CTNNA3: variants seen among roughly 807,000 people sequenced by gnomAD.
CTNNA3 encodes the protein catenin alpha-3.
A neutral mutation model predicts 95.7 loss-of-function variants in CTNNA3; 76 were observed. The observed-to-expected ratio is 0.79, with a 90% CI of 0.66 to 0.96. The LOEUF is 0.96. Ranked by LOEUF, CTNNA3 falls within the 40% of genes least tolerant of loss-of-function variation. The pLI is 0.00. For missense variants in CTNNA3, 1,191 were observed against 1,089.8 expected (o/e 1.09, Z -1.31); for synonymous variants, 431 against 374.4 (o/e 1.15, Z -1.74).
chr10:66,739,765 A>G (rs1849265232), intron 9 of CTNNA3, among the ~76,000 whole-genome samples: 1 of 152,192 alleles, frequency 6.6e-6, no homozygotes. Context: ...ATTTCCTAAT[A>G]CAAAAATTGA....
At chr10:66,118,750 T>A (rs1193477769) in intron 13 of CTNNA3, among the ~76,000 whole-genome samples, 2 of 152,192 alleles carry the variant, frequency 1.3e-5, no homozygotes. Flanking sequence ...AGAGCTGATC[T>A]ACTTTGGAAA....
chr10:66,249,294 A>G (rs143079372), intron 13 of CTNNA3, among the ~76,000 whole-genome samples: 166 of 152,316 alleles, frequency 1.1e-3, no homozygotes, highest in African/African-American at 3.8e-3. Context: ...AAGTTAAAAA[A>G]TCTTCTGCAC....
chr10:67,704,326 T>G (rs1054222324), intron 1 of CTNNA3, among the ~76,000 whole-genome samples: 3 of 152,116 alleles, frequency 2.0e-5, no homozygotes, highest in African/African-American at 7.2e-5. Flanking sequence ...CAAGTCAATC[T>G]TAAGCCAAAG....
intron 12 of CTNNA3, among the ~76,000 whole-genome samples, chr10:66,321,915 A>G (rs975315385): frequency 6.6e-6 from 1 of 152,174 alleles, no homozygotes; most frequent in Non-Finnish European, 1.5e-5. Flanking sequence ...GTTCAGGAGT[A>G]GACACATGAG....
At chr10:66,716,117 T>C (rs921421268) in intron 9 of CTNNA3, among the ~76,000 whole-genome samples, 5 of 152,126 alleles carry the variant, frequency 3.3e-5, no homozygotes, top group African/African-American at 1.2e-4. Context: ...CACTTCATAC[T>C]TATTTTCTCT....
chr10:66,670,311 A>C (rs1052434275), intron 9 of CTNNA3, among the ~76,000 whole-genome samples: 1 of 152,192 alleles, frequency 6.6e-6, no homozygotes, highest in Non-Finnish European at 1.5e-5. Context: ...GTTGCTGGCC[A>C]GCCTGGGCTC....
intron 3 of CTNNA3, among the ~76,000 whole-genome samples, chr10:67,574,388 TA>T (rs1379616212): frequency 6.6e-6 from 1 of 152,098 alleles, no homozygotes; most frequent in Admixed American, 6.5e-5. Flanking sequence ...TAATTTGAAT[TA>T]TTTTTTGTTT....
At chr10:66,065,330 C>G (rs2080292932) in intron 15 of CTNNA3, among the ~76,000 whole-genome samples, 1 of 150,202 alleles carries the variant, frequency 6.7e-6, no homozygotes, top group Non-Finnish European at 1.5e-5. Context: ...TTCATTCTGT[C>G]CCTCCCCATT....
intron 11 of CTNNA3, among the ~76,000 whole-genome samples, chr10:66,489,448 A>C (rs543898862): frequency 6.6e-6 from 1 of 152,302 alleles, no homozygotes; most frequent in East Asian, 1.9e-4. Flanking sequence ...GGAATGGCCA[A>C]CTGGAAGAAT....
chr10:66,449,277 T>G (rs1270878104), intron 11 of CTNNA3, among the ~76,000 whole-genome samples: 1 of 152,124 alleles, frequency 6.6e-6, no homozygotes, highest in Non-Finnish European at 1.5e-5. Context: ...GAAAACTGCA[T>G]TATCCATTTT....
intron 15 of CTNNA3, among the ~76,000 whole-genome samples, chr10:66,028,931 C>A (rs2079398021): frequency 6.6e-6 from 1 of 151,110 alleles, no homozygotes; most frequent in African/African-American, 2.4e-5. Context: ...GAAAGAACAA[C>A]AAAAAATGAA....
chr10:67,519,852 T>C (rs1839929518), intron 5 of CTNNA3, among the ~76,000 whole-genome samples: 1 of 152,184 alleles, frequency 6.6e-6, no homozygotes, highest in South Asian at 2.1e-4. Flanking sequence ...AAACACTTTC[T>C]GGCGTGTGCT....
chr10:66,121,556 GA>G (rs1274616948), intron 13 of CTNNA3, among the ~76,000 whole-genome samples: 6 of 152,018 alleles, frequency 3.9e-5, no homozygotes, highest in Non-Finnish European at 5.9e-5. Flanking sequence ...AATCATGTGG[GA>G]AAAAAGTTGT....
chr10:66,265,752 T>C (rs1030291612), intron 13 of CTNNA3, among the ~76,000 whole-genome samples: 2 of 152,038 alleles, frequency 1.3e-5, no homozygotes, highest in African/African-American at 4.8e-5. Context: ...AAGACTGCTT[T>C]GACTGAAAGT....
chr10:66,656,825 T>C (rs1846088811), intron 9 of CTNNA3, among the ~76,000 whole-genome samples: 2 of 151,920 alleles, frequency 1.3e-5, no homozygotes, highest in Admixed American at 1.3e-4. Context: ...TGCTTTTTGT[T>C]GTTGTTTTTT....
chr10:66,334,459 C>T (rs369009117), intron 12 of CTNNA3, among the ~76,000 whole-genome samples: 17 of 151,850 alleles, frequency 1.1e-4, no homozygotes, highest in African/African-American at 3.9e-4. Context: ...GTTTGCTTGT[C>T]TGTAAAGTAT....
At chr10:67,094,617 C>A (rs1237456365) in intron 7 of CTNNA3, among the ~76,000 whole-genome samples, 1 of 151,494 alleles carries the variant, frequency 6.6e-6, no homozygotes, top group Non-Finnish European at 1.5e-5. Flanking sequence ...ATCTGATTAG[C>A]CACAAAAGAA....
chr10:66,972,192 G>T (rs1243072272), intron 7 of CTNNA3, among the ~76,000 whole-genome samples: 1 of 152,088 alleles, frequency 6.6e-6, no homozygotes, highest in Non-Finnish European at 1.5e-5. Context: ...AGTTTCACTG[G>T]AATGAACAAA....
intron 7 of CTNNA3, among the ~76,000 whole-genome samples, chr10:66,956,882 G>A (rs972208457): frequency 5.9e-5 from 9 of 152,116 alleles, no homozygotes; most frequent in African/African-American, 1.9e-4. Flanking sequence ...ATCCTCCTAC[G>A]GGACAAAAAG....
Sources: gnomAD v4.1 joint callset for allele counts (sites outside exome capture counted in the v4.1 genomes callset) on GRCh38, gnomAD v4.1.1 for gene constraint, MANE v1.5 for transcripts, NCBI Gene and HGNC (gene_info 2026-07-23, HGNC 2026-07-21) for gene names.